The following DLG2 variants were observed in gnomAD, a reference collection of about 807,000 sequenced individuals.
DLG2 encodes the protein discs large MAGUK scaffold protein 2, also known as disks large homolog 2.
DLG2 carries 45 observed loss-of-function variants against 132.5 expected under a neutral mutation model. The observed-to-expected ratio is 0.34, with a 90% CI of 0.27 to 0.44. The LOEUF is 0.44. Among genes scored for constraint, DLG2 ranks in the 20% least tolerant of loss-of-function variants. DLG2 has a pLI of 1.00. For synonymous variants in DLG2, 424 were observed against 419.6 expected (o/e 1.01, Z -0.13); for missense variants, 1,045 against 1,196.9 (o/e 0.87, Z 1.87).
At chr11:85,326,214 G>T (rs1195390195) in intron 3 of DLG2, among the ~76,000 whole-genome samples, 29 of 121,626 alleles carry the variant, frequency 2.4e-4, no homozygotes, top group African/African-American at 9.5e-4. Flanking sequence ...TATTATCCAG[G>T]AGAACTTCCC....
At chr11:83,752,661 GC>G (rs2093378636) in intron 18 of DLG2, among the ~76,000 whole-genome samples, 1 of 152,194 alleles carries the variant, frequency 6.6e-6, no homozygotes, top group South Asian at 2.1e-4. Flanking sequence ...TTGTTATAAA[GC>G]AAGATTGTTT....
chr11:84,787,609 G>C (rs1440646782), intron 6 of DLG2, among the ~76,000 whole-genome samples: 1 of 151,996 alleles, frequency 6.6e-6, no homozygotes. Flanking sequence ...ACCTATATGT[G>C]TATTTCCTCT....
intron 2 of DLG2, among the ~76,000 whole-genome samples, chr11:85,613,338 A>G (rs1046729601): frequency 6.6e-6 from 1 of 152,162 alleles, no homozygotes; most frequent in Non-Finnish European, 1.5e-5. Context: ...CACTGGCCTA[A>G]AGAGTTAACC....
chr11:85,396,275 AC>A (rs1187417418), intron 3 of DLG2, among the ~76,000 whole-genome samples: 1 of 152,196 alleles, frequency 6.6e-6, no homozygotes, highest in African/African-American at 2.4e-5. Flanking sequence ...TCTTTAGGAC[AC>A]CAGAATCAAA....
At chr11:84,416,854 A>G (rs1437324647) in intron 7 of DLG2, among the ~76,000 whole-genome samples, 1 of 152,242 alleles carries the variant, frequency 6.6e-6, no homozygotes, top group Non-Finnish European at 1.5e-5. Flanking sequence ...CCATTACAGT[A>G]AATAACAGAA....
chr11:84,774,743 A>T (rs2070124503), intron 6 of DLG2, among the ~76,000 whole-genome samples: 2 of 152,170 alleles, frequency 1.3e-5, no homozygotes, highest in African/African-American at 2.4e-5. Context: ...ATCCATATGC[A>T]GAAGAATAAA....
chr11:85,469,521 C>G (rs553680424), intron 3 of DLG2: 1 of 152,320 alleles, frequency 6.6e-6, no homozygotes, highest in South Asian at 2.1e-4. Flanking sequence ...CCAAACTACT[C>G]TGGTATGATC....
chr11:85,500,204 C>A (rs2093764785), intron 3 of DLG2, among the ~76,000 whole-genome samples: 1 of 152,106 alleles, frequency 6.6e-6, no homozygotes, highest in Non-Finnish European at 1.5e-5. Flanking sequence ...ACCCCATCGT[C>A]TCAGCCCAAA....
chr11:83,797,434 G>A lies in DLG2; in HGVS notation c.1723-10642C>T, dbSNP rs554160936. ...GCACAGATTAAGTAACTTGTCCGAG[G>A]GTACATTGCTAACATATGACAAAGT... On this transcript the variant is annotated intron_variant, in intron 17 of 27. Coordinates refer to ENST00000376104, the MANE Select transcript of DLG2 (RefSeq NM_001142699.3). 4.6e-5 allele frequency among the ~76,000 whole-genome samples: 7 copies of A among 152,086 alleles called. No homozygotes were observed. The South Asian group carries it at 1.0e-3, about 23-fold the overall frequency.
intron 6 of DLG2, among the ~76,000 whole-genome samples, chr11:85,061,737 T>A (rs1021252951): frequency 6.6e-5 from 10 of 151,954 alleles, no homozygotes; most frequent in African/African-American, 2.4e-4. Context: ...ATATGTGTAC[T>A]GTATTTTTCT....
chr11:84,049,036 C>T (rs1196802934), intron 11 of DLG2, among the ~76,000 whole-genome samples: 1 of 151,290 alleles, frequency 6.6e-6, no homozygotes, highest in Non-Finnish European at 1.5e-5. Context: ...TGACTAATGT[C>T]AGGAAATTTT....
At chr11:84,104,852 T>C (rs541235317) in intron 9 of DLG2, among the ~76,000 whole-genome samples, 3 of 152,256 alleles carry the variant, frequency 2.0e-5, no homozygotes, top group East Asian at 3.9e-4. Context: ...TGCATGCTTA[T>C]TCTATGCTAA....
intron 6 of DLG2, among the ~76,000 whole-genome samples, chr11:84,635,012 A>G (rs1162494797): frequency 6.6e-6 from 1 of 152,172 alleles, no homozygotes; most frequent in African/African-American, 2.4e-5. Context: ...AATCCGCTGG[A>G]GGAGAGGATG....
intron 7 of DLG2, among the ~76,000 whole-genome samples, chr11:84,379,781 A>G (rs1413556755): frequency 1.6e-5 from 2 of 128,178 alleles, no homozygotes; most frequent in Admixed American, 1.5e-4. Context: ...AGGTATTACT[A>G]AAAAAAAAAA....
At chr11:84,278,049 T>TG (rs1440695514) in intron 7 of DLG2, among the ~76,000 whole-genome samples, 2 of 142,494 alleles carry the variant, frequency 1.4e-5, no homozygotes, top group African/African-American at 5.2e-5. Flanking sequence ...CTGGCTAAGT[T>TG]TTTTTTTTTT....
intron 17 of DLG2, among the ~76,000 whole-genome samples, chr11:83,824,818 C>T (rs1413623864): frequency 6.6e-6 from 1 of 151,960 alleles, no homozygotes; most frequent in Admixed American, 6.6e-5. Context: ...ACAGTTAAAT[C>T]CTTTGAGTAG....
chr11:84,416,092 T>TAATA (rs1375272689), intron 7 of DLG2, among the ~76,000 whole-genome samples: 1 of 152,154 alleles, frequency 6.6e-6, no homozygotes. Context: ...ATCAAAAGAT[T>TAATA]AATAAAACTC....
intron 7 of DLG2, among the ~76,000 whole-genome samples, chr11:84,259,349 C>G (rs1023804421): frequency 6.6e-6 from 1 of 151,994 alleles, no homozygotes; most frequent in Non-Finnish European, 1.5e-5. Flanking sequence ...ATTTTCTTCT[C>G]CTTTTAAGTT....
At chr11:83,902,205 C>T (rs550989745) in intron 15 of DLG2, among the ~76,000 whole-genome samples, 2 of 152,262 alleles carry the variant, frequency 1.3e-5, no homozygotes, top group South Asian at 4.1e-4. Context: ...TTCTTTCATG[C>T]CACTAGGCAT....
Sources: gnomAD v4.1 joint callset for allele counts (sites outside exome capture counted in the v4.1 genomes callset) on GRCh38, gnomAD v4.1.1 for gene constraint, MANE v1.5 for transcripts, NCBI Gene and HGNC (gene_info 2026-07-23, HGNC 2026-07-21) for gene names.